TENM3: variants seen among roughly 807,000 people sequenced by gnomAD.
TENM3 encodes teneurin-3.
In TENM3, 63 loss-of-function variants were observed where a neutral mutation model predicts 255.1. That is an observed-to-expected ratio of 0.25 (90% CI 0.20 to 0.30). The LOEUF is 0.30. Among genes scored for constraint, TENM3 ranks in the 10% least tolerant of loss-of-function variants. The pLI, the probability that TENM3 is intolerant of heterozygous loss-of-function variation, is 1.00. For synonymous variants in TENM3, 1,306 were observed against 1,322.3 expected (o/e 0.99, Z 0.27); for missense variants, 2,929 against 3,461.1 (o/e 0.85, Z 3.86).
the TENM3 span, among the ~76,000 whole-genome samples, chr4:181,895,532 ATTTTTTTTTTTTTTT>A: frequency 2.4e-5 from 1 of 41,466 alleles, no homozygotes; most frequent in African/African-American, 9.3e-5. Flanking sequence ...TATCTGGCTG[ATTTTTTTTTTTTTTT>A]TTTTTTTTTT....
At chr4:182,074,825 C>T in the TENM3 span, among the ~76,000 whole-genome samples, 3 of 152,218 alleles carry the variant, frequency 2.0e-5, no homozygotes, top group South Asian at 2.1e-4. Flanking sequence ...CAAAAACAAA[C>T]GTGGTGCTTA....
the TENM3 span, among the ~76,000 whole-genome samples, chr4:181,587,978 G>T: frequency 4.6e-5 from 7 of 152,130 alleles, no homozygotes; most frequent in African/African-American, 1.7e-4. Flanking sequence ...AGAAGGGGTG[G>T]GGACGTTGAT....
the TENM3 span, among the ~76,000 whole-genome samples, chr4:181,458,289 A>AG: frequency 1.3e-5 from 2 of 151,976 alleles, no homozygotes; most frequent in African/African-American, 4.8e-5. Flanking sequence ...GGAGAAAAAA[A>AG]CTGATCTTTG....
At chr4:181,781,039 T>C in the TENM3 span, among the ~76,000 whole-genome samples, 3 of 152,192 alleles carry the variant, frequency 2.0e-5, no homozygotes, top group Non-Finnish European at 4.4e-5. Flanking sequence ...GTAGTGTAGT[T>C]TGAAGTCAGG....
the TENM3 span, among the ~76,000 whole-genome samples, chr4:181,527,632 T>G: frequency 6.6e-6 from 1 of 151,646 alleles, no homozygotes; most frequent in Non-Finnish European, 1.5e-5. Context: ...TTTGTTTTTT[T>G]TTTTTTTTAA....
the TENM3 span, among the ~76,000 whole-genome samples, chr4:181,457,233 A>G: frequency 6.6e-6 from 1 of 151,894 alleles, no homozygotes; most frequent in Non-Finnish European, 1.5e-5. Flanking sequence ...AATATTTAAT[A>G]ACATATGAAA....
In TENM3 at chr4:182,793,539, G is replaced by A. The variant is rs1766268634; in HGVS notation, c.6867G>A (p.Gly2289=). 6.2e-7 allele frequency: 1 copy of A among 1,613,754 alleles called. No individual in the cohort carries two copies. Among genetic ancestry groups the A allele is most frequent in the African/African-American group, 1.3e-5 (1 of 74,882 alleles). ...TTTTTGCCATGGAAATCAGCAGTGG[G>A]GATGAATTCTATATTGCATCGGATA... The part of the protein sequence containing the change: ...GHLFAMEISS[G]DEFYIASDNT... Residue 2289 remains glycine (G), a synonymous_variant, in exon 26 of 28, where the codon GGG becomes GGA. Coordinates refer to ENST00000511685, the MANE Select transcript of TENM3 (RefSeq NM_001080477.4). The surrounding 1 kb of genome is among the most constrained non-coding windows in gnomAD (Gnocchi z 5.7).
At chr4:181,827,641 A>T in the TENM3 span, among the ~76,000 whole-genome samples, 37 of 152,266 alleles carry the variant, frequency 2.4e-4, 1 homozygote, top group Admixed American at 2.4e-3. Flanking sequence ...TATCATTTCA[A>T]TCATTGGTTC....
chr4:182,056,417 T>C, the TENM3 span, among the ~76,000 whole-genome samples: 3 of 152,190 alleles, frequency 2.0e-5, no homozygotes, highest in Non-Finnish European at 4.4e-5. Flanking sequence ...CTTTGCCACA[T>C]CTTCTCTCTT....
At chr4:181,693,240 A>C in the TENM3 span, among the ~76,000 whole-genome samples, 1 of 152,230 alleles carries the variant, frequency 6.6e-6, no homozygotes, top group African/African-American at 2.4e-5. Context: ...GAACTAGCTA[A>C]ATAGCCCATT....
intron 3 of TENM3, among the ~76,000 whole-genome samples, chr4:182,386,852 T>C (rs1286362686): frequency 2.0e-5 from 3 of 152,210 alleles, no homozygotes; most frequent in Admixed American, 2.0e-4. Flanking sequence ...TGGGTTCCTG[T>C]GCAGCCCGAG....
the TENM3 span, among the ~76,000 whole-genome samples, chr4:181,724,750 AG>A: frequency 6.6e-6 from 1 of 152,192 alleles, no homozygotes; most frequent in Non-Finnish European, 1.5e-5. Context: ...TACTCATTTA[AG>A]GAAGGTATAC....
intron 22 of TENM3, among the ~76,000 whole-genome samples, chr4:182,769,911 C>G (rs60893339): frequency 0.073 from 11,134 of 151,914 alleles, 535 homozygotes; most frequent in East Asian, 0.16. Flanking sequence ...TTGAGACCAG[C>G]CTGACCAATA....
chr4:182,099,691 A>G, the TENM3 span, among the ~76,000 whole-genome samples: 2 of 152,178 alleles, frequency 1.3e-5, no homozygotes, highest in Admixed American at 6.5e-5. Flanking sequence ...CAGAGATCAC[A>G]GGGCCTGCGA....
At chr4:182,558,103 G>A (rs1333116809) in intron 3 of TENM3, among the ~76,000 whole-genome samples, 3 of 152,132 alleles carry the variant, frequency 2.0e-5, no homozygotes, top group African/African-American at 7.2e-5. Context: ...AGGTAATCGT[G>A]AGTTTCTGGG....
the TENM3 span, among the ~76,000 whole-genome samples, chr4:181,581,929 C>T: frequency 6.6e-6 from 1 of 152,120 alleles, no homozygotes; most frequent in South Asian, 2.1e-4. Flanking sequence ...GATTGAGTTT[C>T]GCCATGTTAC....
At chr4:181,622,631 G>T in the TENM3 span, among the ~76,000 whole-genome samples, 2 of 152,078 alleles carry the variant, frequency 1.3e-5, no homozygotes, top group African/African-American at 4.8e-5. Flanking sequence ...AGCTGAGATC[G>T]CGCCACTGTA....
the TENM3 span, chr4:182,079,924 A>G: frequency 4.6e-5 from 7 of 152,366 alleles, no homozygotes; most frequent in Non-Finnish European, 8.8e-5. Context: ...AAAGCTCTCG[A>G]CTACATGTCA....
chr4:181,790,581 G>A, the TENM3 span, among the ~76,000 whole-genome samples: 1 of 152,040 alleles, frequency 6.6e-6, no homozygotes, highest in East Asian at 1.9e-4. Flanking sequence ...CTGCTTATGA[G>A]TGGAAAAAAA....
Sources: gnomAD v4.1 joint callset for allele counts (sites outside exome capture counted in the v4.1 genomes callset) on GRCh38, gnomAD v4.1.1 for gene constraint, Gnocchi (gnomAD v3.1) non-coding constraint, MANE v1.5 for transcripts, NCBI Gene and HGNC (gene_info 2026-07-23, HGNC 2026-07-21) for gene names.